WASF2: variants seen among roughly 807,000 people sequenced by gnomAD.
WASF2 encodes WASP family member 2.
In WASF2, 14 loss-of-function variants were observed where a neutral mutation model predicts 45.0. That is an observed-to-expected ratio of 0.31 (90% confidence interval 0.21 to 0.49). The LOEUF is 0.49. WASF2 is among the 20% of genes least tolerant of loss of function. The pLI is 0.99. For missense variants in WASF2, 439 were observed against 636.1 expected (o/e 0.69, Z 3.33); for synonymous variants, 200 against 236.3 (o/e 0.85, Z 1.41).
chr1:27,474,083 C>T (rs1428825781), intron 1 of WASF2, among the ~76,000 whole-genome samples: 1 of 152,126 alleles, frequency 6.6e-6, no homozygotes, highest in Non-Finnish European at 1.5e-5. Context: ...ACAGTAGCCC[C>T]GGCCAGGAAT....
At chr1:27,444,126 G>A (rs140808728) in intron 1 of WASF2, among the ~76,000 whole-genome samples, 2 of 152,152 alleles carry the variant, frequency 1.3e-5, no homozygotes, top group African/African-American at 2.4e-5. Flanking sequence ...AGTCACTCAC[G>A]CTGCAGTGCA....
intron 4 of WASF2, 82 bp downstream of exon 4, chr1:27,418,187 T>C: frequency 6.8e-7 from 1 of 1,471,710 alleles, no homozygotes; most frequent in South Asian, 1.4e-5. Context: ...AATCCTCTGA[T>C]GGAAACAACC....
intron 1 of WASF2, among the ~76,000 whole-genome samples, chr1:27,455,307 A>G (rs557394839): frequency 2.0e-5 from 3 of 152,246 alleles, no homozygotes; most frequent in African/African-American, 7.2e-5. Context: ...TGGAATGGCT[A>G]GAGTATGTGC....
At chr1:27,475,109 T>C (rs2017747957) in intron 1 of WASF2, among the ~76,000 whole-genome samples, 1 of 152,046 alleles carries the variant, frequency 6.6e-6, no homozygotes, top group Non-Finnish European at 1.5e-5. Flanking sequence ...ATGCAATCTC[T>C]ACACATAAAA....
At chr1:27,457,658 T>C (rs2017487247) in intron 1 of WASF2, among the ~76,000 whole-genome samples, 1 of 151,916 alleles carries the variant, frequency 6.6e-6, no homozygotes, top group South Asian at 2.1e-4. Flanking sequence ...TCTTACTCTG[T>C]TGCCCAGGCT....
At chr1:27,451,889 AAAGTTT>A (rs1571146423) in intron 1 of WASF2, among the ~76,000 whole-genome samples, 3 of 152,226 alleles carry the variant, frequency 2.0e-5, no homozygotes, top group Non-Finnish European at 4.4e-5. Flanking sequence ...TACATATGAT[AAAGTTT>A]AATTTATAAA....
In WASF2 at chr1:27,408,047, C is replaced by T; in HGVS notation, c.*142G>A. The T allele has an allele frequency of 1.0e-6, 1 of 978,554 alleles. No homozygotes were observed. The highest frequency in any genetic ancestry group is 1.5e-6 in the Non-Finnish European group (1 of 676,860). The allele number at this position is 978,554 out of a possible 1,614,324, so 60.6% of individuals were successfully genotyped here. ...ACTTGGAGGAAGCACTTGGATATAT[C>T]TTTGGTTGCTTCAGGGAAAGCTTTG... On this transcript the variant is annotated 3_prime_UTR_variant, in exon 9 of 9. Transcript: ENST00000618852.
At chr1:27,449,319 C>T (rs536877808) in intron 1 of WASF2, among the ~76,000 whole-genome samples, 1 of 152,292 alleles carries the variant, frequency 6.6e-6, no homozygotes, top group South Asian at 2.1e-4. Flanking sequence ...TTATCAAGGC[C>T]AGGTGCGGTA....
intron 1 of WASF2, among the ~76,000 whole-genome samples, chr1:27,481,295 C>T (rs6598884): frequency 1.3e-5 from 2 of 151,774 alleles, no homozygotes; most frequent in Non-Finnish European, 2.9e-5. Context: ...CAGAGGGAGA[C>T]TCCGTATGAA....
rs1373926555 is a variant in WASF2 at position 27,472,140 on chromosome 1, GC to G, written c.-44+17845del. Reference sequence around the variant, plus strand: ...GAGGTCAGGAGATGGAGACCACCCTGCCCAACATGGTGAAACCCTGTCTCTA... The same window carrying G: ...GAGGTCAGGAGATGGAGACCACCCTGCCAACATGGTGAAACCCTGTCTCTA... On this transcript the variant is annotated intron_variant, in intron 1 of 8. Transcript: ENST00000618852. Among the ~76,000 whole-genome samples the G allele has an allele frequency of 8.5e-5, 13 of 152,126 alleles. 1 individual carries two copies. Among genetic ancestry groups the G allele is most frequent in the African/African-American group, 2.9e-4 (12 of 41,506 alleles).
intron 1 of WASF2, chr1:27,457,253 C>G (rs552295746): frequency 1.3e-5 from 2 of 152,128 alleles, no homozygotes; most frequent in African/African-American, 4.8e-5. Flanking sequence ...TATGTAAGTC[C>G]TCAAATTAAC....
At chr1:27,449,825 A>G (rs2017360307) in intron 1 of WASF2, among the ~76,000 whole-genome samples, 1 of 151,790 alleles carries the variant, frequency 6.6e-6, no homozygotes, top group Non-Finnish European at 1.5e-5. Context: ...TCAGGGTCCA[A>G]TCTGGGACAG....
At chr1:27,477,694 T>G (rs1432962153) in intron 1 of WASF2, among the ~76,000 whole-genome samples, 3 of 103,828 alleles carry the variant, frequency 2.9e-5, no homozygotes, top group Non-Finnish European at 5.4e-5. Context: ...GGTCAGGAGA[T>G]CGAGACCATC....
Position 27,473,999 on chromosome 1 carries a change from C to T in WASF2, c.-44+15987G>A, listed in dbSNP as rs76762090. 1.1e-3 allele frequency among the ~76,000 whole-genome samples: 173 copies of T among 152,264 alleles called. 1 individual carries two copies. In the East Asian group the frequency reaches 0.029, roughly 26 times the overall value. On this transcript the variant is annotated intron_variant, in intron 1 of 8. Transcript: ENST00000618852. ...ACAATTCTGTGATGCGGGAGGAAACCAGAGTACCTGGAGGGAAACCAAAGT... is the reference window on the plus strand; with the variant it reads ...ACAATTCTGTGATGCGGGAGGAAACTAGAGTACCTGGAGGGAAACCAAAGT...
At chr1:27,418,512 C>G (rs1323965519) in intron 3 of WASF2, 90 bp from the exon 4 acceptor site, 6 of 1,551,368 alleles carry the variant, frequency 3.9e-6, no homozygotes, top group African/African-American at 1.4e-5. Context: ...TCAGCTGCTG[C>G]ACTTCTTGGC....
chr1:27,461,617 C>A (rs1045951872), intron 1 of WASF2, among the ~76,000 whole-genome samples: 2 of 152,044 alleles, frequency 1.3e-5, no homozygotes, highest in Non-Finnish European at 2.9e-5. Context: ...CGCCCGCCAC[C>A]ACGCCCAGCT....
intron 1 of WASF2, among the ~76,000 whole-genome samples, chr1:27,462,389 G>A (rs889847087): frequency 6.6e-5 from 10 of 152,210 alleles, no homozygotes; most frequent in Non-Finnish European, 1.3e-4. Flanking sequence ...ATCACATTAG[G>A]AAATTTAACA....
intron 1 of WASF2, among the ~76,000 whole-genome samples, chr1:27,447,506 ATTGTAGCTATG>A (rs2017326583): frequency 6.6e-6 from 1 of 152,198 alleles, no homozygotes; most frequent in Non-Finnish European, 1.5e-5. Context: ...GGTTGTTCAG[ATTGTAGCTATG>A]TTGCAGCAGC....
intron 1 of WASF2, among the ~76,000 whole-genome samples, chr1:27,480,381 G>C (rs1376851037): frequency 6.6e-6 from 1 of 151,986 alleles, no homozygotes; most frequent in Non-Finnish European, 1.5e-5. Flanking sequence ...GCCGAGTATG[G>C]TGGCAAGCAC....
Sources: gnomAD v4.1 joint callset for allele counts (sites outside exome capture counted in the v4.1 genomes callset) on GRCh38, gnomAD v4.1.1 for gene constraint, MANE v1.5 for transcripts, NCBI Gene and HGNC (gene_info 2026-07-23, HGNC 2026-07-21) for gene names.